Variants in RUNDC1 observed in about 807,000 individuals in gnomAD.
RUNDC1 encodes RUN domain containing 1, also known as RUN domain-containing protein 1.
RUNDC1 carries 31 observed loss-of-function variants against 49.3 expected under a neutral mutation model. The ratio of observed to expected loss-of-function variants is 0.63; its 90% CI spans 0.47 to 0.85. RUNDC1 has a LOEUF of 0.85. Among genes scored for constraint, RUNDC1 ranks in the 40% least tolerant of loss-of-function variants. The probability of loss-of-function intolerance (pLI) is 0.00; values close to 1 mark genes in which losing one functional copy is unlikely to be tolerated. For synonymous variants in RUNDC1, 347 were observed against 348.6 expected (o/e 1.00, Z 0.05); for missense variants, 715 against 806.7 (o/e 0.89, Z 1.38).
chr17:42,981,175 C>T (rs754121834), intron 1 of RUNDC1, 101 bp downstream of exon 1: 2 of 1,392,032 alleles, frequency 1.4e-6, no homozygotes, highest in Non-Finnish European at 1.9e-6. Context: ...GAAGCCTCCC[C>T]GACTCGGTCG....
chr17:42,980,964 G>A lies in RUNDC1; in HGVS notation c.388G>A (p.Ala130Thr), dbSNP rs759373874. ...CCTTCTGCGGGAGCTCGAAGACTTC[G>A]CCTTCCGCGGCTGCCCTCACGTCCT... Reference protein sequence around the residue: ...QRLLRELEDFAFRGCPHVLGY... With the variant: ...QRLLRELEDFTFRGCPHVLGY... The change falls in exon 1 of 5, where the codon GCC becomes ACC. Residue 130 changes from alanine (A) to threonine (T), a missense_variant. Around this residue, in one of 5 missense-constraint regions of RUNDC1, gnomAD observed 113 missense variants for 93.4 expected, o/e 1.21. Transcript: ENST00000361677. 1 of 1,541,864 alleles carries A rather than the reference G, an allele frequency of 6.5e-7. No individual in the cohort carries two copies. Among genetic ancestry groups the A allele is most frequent in the Non-Finnish European group, 8.7e-7 (1 of 1,150,080 alleles).
Position 42,991,882 on chromosome 17 carries a change from G to A in RUNDC1, c.*166G>A. 1 of 712,498 alleles carries A rather than the reference G, an allele frequency of 1.4e-6. No homozygotes were observed. The highest frequency in any genetic ancestry group is 2.3e-6 in the Non-Finnish European group (1 of 438,716). 44.1% of individuals were successfully genotyped at this position (712,498 alleles called of 1,614,324 possible). On this transcript the variant is annotated 3_prime_UTR_variant, in exon 5 of 5. Transcript: ENST00000361677. ...AAAGTCTGTTTTCCCCACCAACTTA[G>A]CTCTCGGAAAGATGTGCTGGAGGGA...
intron 1 of RUNDC1, 177 bp downstream of exon 1, chr17:42,981,251 G>A (rs930406016): frequency 1.0e-5 from 8 of 787,472 alleles, no homozygotes; most frequent in African/African-American, 9.1e-5. Context: ...AGAGGACAGA[G>A]GCCTGGGAAC....
intron 3 of RUNDC1, 109 bp downstream of exon 3, chr17:42,989,648 C>A (rs551617961): frequency 9.8e-7 from 1 of 1,020,828 alleles, no homozygotes; most frequent in East Asian, 2.6e-5. Context: ...CTTTTTTGGG[C>A]GGTGGGGACA....
At chr17:42,990,233 T>C (rs2050220132) in intron 3 of RUNDC1, 84 bp from the exon 4 acceptor site, 1 of 1,535,612 alleles carries the variant, frequency 6.5e-7, no homozygotes, top group African/African-American at 1.4e-5. Flanking sequence ...TTGTTTCTAA[T>C]AGGCACCATT....
Position 42,991,035 on chromosome 17 carries a change from G to A in RUNDC1, c.1161G>A (p.Val387=). The A allele has an allele frequency of 6.2e-7, 1 of 1,614,150 alleles. No individual in the cohort carries two copies. The highest frequency in any genetic ancestry group is 8.5e-7 in the Non-Finnish European group (1 of 1,180,020). The change falls in exon 5 of 5, where the codon GTG becomes GTA. Residue 387 remains valine, a synonymous_variant. Coordinates refer to ENST00000361677, the MANE Select transcript of RUNDC1 (RefSeq NM_173079.5). ...CTCCCTTGCTGAAGAGGCTGGAGGT[G>A]TCAGTGGACAGAGTGAAGCAGCTAG... The part of the protein sequence containing the change: ...DYSPLLKRLE[V]SVDRVKQLAL...
intron 1 of RUNDC1, 82 bp from the exon 2 acceptor site, chr17:42,987,174 C>T: frequency 2.2e-6 from 2 of 928,482 alleles, no homozygotes; most frequent in Non-Finnish European, 3.4e-6. Context: ...TTTTATTGGT[C>T]ATTACTGGCT....
intron 1 of RUNDC1, 192 bp downstream of exon 1, chr17:42,981,266 G>T: frequency 1.5e-6 from 1 of 683,486 alleles, no homozygotes; most frequent in Non-Finnish European, 2.3e-6. Context: ...GGGAACCTGA[G>T]GGTGAGCGGT....
rs2050287643 is a variant in RUNDC1 at position 42,994,929 on chromosome 17, A to G, written c.*3213A>G. 6.8e-6 allele frequency among the ~76,000 whole-genome samples: 1 copy of G among 147,960 alleles called. No homozygotes were observed. The highest frequency in any genetic ancestry group is 7.1e-5 in the Admixed American group (1 of 14,164). On this transcript the variant is annotated 3_prime_UTR_variant, in exon 5 of 5. Transcript: ENST00000361677. ...GTGGAAATGTAGGGTGTGTTGTACA[A>G]GTATGATCTGCAAAGTATTGTTAAA...
In RUNDC1 at chr17:42,980,755, C is replaced by G. The variant is rs144065038; in HGVS notation, c.179C>G (p.Ala60Gly). 1.1e-4 allele frequency: 164 copies of G among 1,516,392 alleles called. No individual in the cohort carries two copies. In the African/African-American group the frequency reaches 2.2e-3, roughly 20 times the overall value. 93.9% of individuals were successfully genotyped at this position (1,516,392 alleles called of 1,614,324 possible). The stretch of plus-strand genomic sequence containing the variant: ...GGGGCAACCGCGTTTTTAGAAGAGG[C>G]GACGGCCGAGGAGCCTGGCGCGGCC... ...RPGATAFLEE[A>G]TAEEPGAAPG... is the part of the protein sequence containing the mutation. Residue 60 changes from alanine to glycine, a missense_variant, in exon 1 of 5, where the codon GCG becomes GGG. Physicochemically the swap from Ala to Gly is moderately conservative, Grantham distance 60. Transcript: ENST00000361677.
intron 3 of RUNDC1, 115 bp from the exon 4 acceptor site, chr17:42,990,202 G>A: frequency 7.3e-7 from 1 of 1,376,362 alleles, no homozygotes; most frequent in Admixed American, 2.3e-5. Context: ...CAATTAAATA[G>A]GACAAGAGTT....
rs1301967463 is a variant in RUNDC1 at position 42,980,639 on chromosome 17, G to A, written c.63G>A (p.Ala21=). The A allele has an allele frequency of 5.6e-6, 9 of 1,603,334 alleles. No homozygotes were observed. Among genetic ancestry groups the A allele is most frequent in the Admixed American group, 3.4e-5 (2 of 58,222 alleles). Reference sequence around the variant, plus strand: ...TGGTGGCGGCTGTTGGGCCAAAGGCGAAAGACGAAGAGGAGGAGGAAGAGG... The same window carrying A: ...TGGTGGCGGCTGTTGGGCCAAAGGCAAAAGACGAAGAGGAGGAGGAAGAGG... ...VTVVAAVGPK[A]KDEEEEEEEP... Residue 21 remains alanine (A), a synonymous_variant, in exon 1 of 5, where the codon GCG becomes GCA. Transcript: ENST00000361677.
At chr17:42,984,383 C>T (rs558591307) in intron 1 of RUNDC1, among the ~76,000 whole-genome samples, 1 of 151,568 alleles carries the variant, frequency 6.6e-6, no homozygotes, top group Non-Finnish European at 1.5e-5. Context: ...TAGGTTCAAG[C>T]TGTTCTGCTG....
chr17:42,985,181 TC>T, intron 1 of RUNDC1, among the ~76,000 whole-genome samples: 1 of 152,268 alleles, frequency 6.6e-6, no homozygotes, highest in South Asian at 2.1e-4. Context: ...GCCACTGCGT[TC>T]GGCCATACTT....
chr17:42,990,468 T>C (rs2151960437), intron 4 of RUNDC1, 32 bp downstream of exon 4: 1 of 1,587,708 alleles, frequency 6.3e-7, no homozygotes, highest in Non-Finnish European at 8.6e-7. Context: ...GGCAAATCTC[T>C]AGAGACAGAA....
rs369316147 is a variant in RUNDC1 at position 42,980,691 on chromosome 17, C to A, written c.115C>A (p.Arg39Ser). Residue 39 changes from arginine to serine, a missense_variant, in exon 1 of 5, where the codon CGC becomes AGC. Arg to Ser is a moderately radical substitution (Grantham distance 110, BLOSUM62 -1). Around this residue, in one of 5 missense-constraint regions of RUNDC1, gnomAD observed 153 missense variants for 139.4 expected, o/e 1.10. Transcript: ENST00000361677. ...EEPLPPCEAV[R>S]WAPVGAVAEA... Reference sequence around the variant, plus strand: ...GCCGCTGCCACCGTGCGAGGCGGTGCGCTGGGCCCCAGTGGGGGCGGTGGC... The same window carrying A: ...GCCGCTGCCACCGTGCGAGGCGGTGAGCTGGGCCCCAGTGGGGGCGGTGGC... 1.0e-4 allele frequency: 160 copies of A among 1,568,672 alleles called. No homozygotes were observed. Among genetic ancestry groups the A allele is most frequent in the Non-Finnish European group, 1.4e-4 (159 of 1,160,654 alleles).
At chr17:42,985,934 A>C (rs323503) in intron 1 of RUNDC1, among the ~76,000 whole-genome samples, 142,245 of 152,162 alleles carry the variant, frequency 0.93, 67,241 homozygotes, top group East Asian at 1. Context: ...TGTTACCTTC[A>C]CATCCCCATT....
chr17:42,990,950 G>A lies in RUNDC1; in HGVS notation c.1076G>A (p.Cys359Tyr). 6.2e-7 allele frequency: 1 copy of A among 1,613,750 alleles called. No homozygotes were observed. The highest frequency in any genetic ancestry group is 8.5e-7 in the Non-Finnish European group (1 of 1,179,668). The change falls in exon 5 of 5, where the codon TGT (cysteine) becomes TAT (tyrosine). Residue 359 changes from cysteine to tyrosine, a missense_variant. Physicochemically the swap from Cys to Tyr is radical, Grantham distance 194. Transcript: ENST00000361677. ...LQIFAVSQFG[C>Y]ATGQIPPTLW... is the part of the protein sequence containing the mutation. ...ATCTTTGCTGTTAGCCAGTTTGGTT[G>A]TGCCACAGGCCAGATCCCTCCAACC...
rs894095641 is a variant in RUNDC1, at chr17:42,980,574, A to C, written c.-3A>C. 6.2e-7 allele frequency: 1 copy of C among 1,609,544 alleles called. No individual in the cohort carries two copies. The highest frequency in any genetic ancestry group is 1.7e-5 in the Admixed American group (1 of 59,850). On this transcript the variant is annotated 5_prime_UTR_variant, in exon 1 of 5. Coordinates refer to ENST00000361677, the MANE Select transcript of RUNDC1 (RefSeq NM_173079.5). ...GCTGACGTGCGGTGGTGTTTCCGGG[A>C]AGATGGCGGCTGTCGAAGCGGCTGC...
Sources: gnomAD v4.1 joint callset for allele counts (sites outside exome capture counted in the v4.1 genomes callset) on GRCh38, gnomAD v4.1.1 for gene constraint, gnomAD v4.1.1 regional missense constraint, MANE v1.5 for transcripts, NCBI Gene and HGNC (gene_info 2026-07-23, HGNC 2026-07-21) for gene names.